Variants in SDK1 observed in about 807,000 individuals in gnomAD.
SDK1 encodes protein sidekick-1.
A neutral mutation model predicts 245.5 loss-of-function variants in SDK1; 157 were observed. The ratio of observed to expected loss-of-function variants is 0.64; its 90% CI spans 0.56 to 0.73. The LOEUF is 0.73. SDK1 is among the 30% of genes least tolerant of loss of function. The pLI, the probability that SDK1 is intolerant of heterozygous loss-of-function variation, is 0.00. For synonymous variants in SDK1, 1,647 were observed against 1,278.5 expected (o/e 1.29, Z -6.15); for missense variants, 3,583 against 3,002.3 (o/e 1.19, Z -4.52).
intron 1 of SDK1, among the ~76,000 whole-genome samples, chr7:3,310,875 C>T (rs1366328398): frequency 6.6e-6 from 1 of 152,168 alleles, no homozygotes; most frequent in Non-Finnish European, 1.5e-5. Context: ...TTTCTTATCC[C>T]TGAAGAATTG....
At chr7:3,386,825 C>A (rs1781621055) in intron 1 of SDK1, among the ~76,000 whole-genome samples, 2 of 152,126 alleles carry the variant, frequency 1.3e-5, no homozygotes, top group Non-Finnish European at 2.9e-5. Flanking sequence ...GATGCTGCTC[C>A]TTCTTCAACG....
chr7:3,619,082 G>A lies in SDK1; in HGVS notation c.301G>A (p.Asp101Asn). Residue 101 changes from aspartate (D) to asparagine (N), a missense_variant and splice_region_variant, in exon 2 of 45, where the codon GAT (aspartate) becomes AAT (asparagine). Physicochemically the swap from Asp to Asn is conservative, Grantham distance 23 (BLOSUM62 1). Coordinates refer to ENST00000404826, the MANE Select transcript of SDK1 (RefSeq NM_152744.4). ...TGTTTTGTTTTTTAATATTTCAGAT[G>A]ATGTTGCTCCATATTTTAAAACGGA... The part of the protein sequence containing the change: ...LHLLRALAQD[D>N]VAPYFKTEPG... The A allele has an allele frequency of 6.3e-7, 1 of 1,581,866 alleles. No individual in the cohort carries two copies. Among genetic ancestry groups the A allele is most frequent in the Non-Finnish European group, 8.6e-7 (1 of 1,158,518 alleles).
rs923376278 is a variant in SDK1, at chr7:3,800,370, CTTATTTAT to C, written c.714-21058_714-21051del. 5.2e-3 allele frequency among the ~76,000 whole-genome samples: 771 copies of C among 148,986 alleles called. 5 individuals carry two copies. The highest frequency in any genetic ancestry group is 8.0e-3 in the Non-Finnish European group (541 of 67,388). On this transcript the variant is annotated intron_variant, in intron 4 of 44. Coordinates refer to ENST00000404826, the MANE Select transcript of SDK1 (RefSeq NM_152744.4). ...CATCTTTTACTTACTTACTTACTTACTTATTTATTTATTTATTTATTTATTTATTGAGA... is the reference window on the plus strand; with the variant it reads ...CATCTTTTACTTACTTACTTACTTACTTATTTATTTATTTATTTATTGAGA...
rs73298373 is a variant in SDK1 at position 3,408,514 on chromosome 7, G to A, written c.298+106630G>A. 9.1e-3 allele frequency among the ~76,000 whole-genome samples: 1,387 copies of A among 152,254 alleles called. 27 individuals are homozygous for A. The highest frequency in any genetic ancestry group is 0.031 in the African/African-American group (1,308 of 41,536). ...GAAGTTATAAACAAAATTTCATACA[G>A]CATGCCATTTGACAAATTAATGAAG... On this transcript the variant is annotated intron_variant, in intron 1 of 44. Coordinates refer to ENST00000404826, the MANE Select transcript of SDK1 (RefSeq NM_152744.4).
intron 4 of SDK1, among the ~76,000 whole-genome samples, chr7:3,653,646 G>C (rs777031818): frequency 6.6e-6 from 1 of 152,168 alleles, no homozygotes; most frequent in African/African-American, 2.4e-5. Context: ...GAGAATAAAC[G>C]CATCCCAATC....
At chr7:3,320,550 T>G (rs1408058015) in intron 1 of SDK1, among the ~76,000 whole-genome samples, 1 of 152,194 alleles carries the variant, frequency 6.6e-6, no homozygotes, top group Non-Finnish European at 1.5e-5. Flanking sequence ...TAACTAATTT[T>G]TGTTCTTTAC....
At chr7:3,993,476 A>G (rs138083219) in intron 14 of SDK1, among the ~76,000 whole-genome samples, 3 of 152,350 alleles carry the variant, frequency 2.0e-5, no homozygotes, top group African/African-American at 7.2e-5. Flanking sequence ...GTTTTTTAAT[A>G]GGATGAGTGT....
intron 26 of SDK1, among the ~76,000 whole-genome samples, chr7:4,128,605 GT>G (rs527257438): frequency 1.7e-3 from 242 of 140,662 alleles, no homozygotes; most frequent in African/African-American, 6.2e-3. Context: ...TTGGGGTGGG[GT>G]CCCCTGGAGG....
intron 1 of SDK1, among the ~76,000 whole-genome samples, chr7:3,585,497 T>C (rs974530960): frequency 2.6e-5 from 4 of 152,172 alleles, no homozygotes; most frequent in African/African-American, 9.7e-5. Context: ...GGAGGCGCTC[T>C]TGATAAAGGA....
chr7:3,690,203 A>T (rs905500019), intron 4 of SDK1, among the ~76,000 whole-genome samples: 5 of 152,118 alleles, frequency 3.3e-5, no homozygotes, highest in African/African-American at 1.2e-4. Flanking sequence ...CCTCATCACG[A>T]CGCTAATGTT....
In SDK1 at chr7:3,681,020, T is replaced by G. The variant is rs537021949; in HGVS notation, c.713+38915T>G. ...ATCAGGTCCAGCTAATTTTGTGTAT[T>G]TTTTAGTAGAGATGGGGTTTCGCCA... is the stretch of plus-strand genomic sequence containing the variant. On this transcript the variant is annotated intron_variant, in intron 4 of 44. Coordinates refer to ENST00000404826, the MANE Select transcript of SDK1 (RefSeq NM_152744.4). Among the ~76,000 whole-genome samples the G allele has an allele frequency of 1.7e-3, 255 of 152,172 alleles. 1 individual carries two copies. The highest frequency in any genetic ancestry group is 0.016 in the South Asian group (79 of 4,820).
At position 3,313,926 on chromosome 7, in the gene SDK1, CAA is replaced by C. The variant is rs562416895; in HGVS notation, c.298+12045_298+12046del. Among the ~76,000 whole-genome samples, 9 of 152,184 alleles carry C rather than the reference CAA, an allele frequency of 5.9e-5. No individual in the cohort carries two copies. The South Asian group carries it at 1.9e-3, about 32-fold the overall frequency. Reference sequence around the variant, plus strand: ...ACAATAAATATATACAAATTTTTGTCAAAATTTTAAAAATGTATGTGAGCAGG... The same window carrying C: ...ACAATAAATATATACAAATTTTTGTCAATTTTAAAAATGTATGTGAGCAGG... On this transcript the variant is annotated intron_variant, in intron 1 of 44. Coordinates refer to ENST00000404826, the MANE Select transcript of SDK1 (RefSeq NM_152744.4).
intron 5 of SDK1, among the ~76,000 whole-genome samples, chr7:3,846,988 C>A (rs1049744497): frequency 1.1e-4 from 16 of 152,142 alleles, no homozygotes; most frequent in Non-Finnish European, 2.4e-4. Context: ...GGCTGGCTGT[C>A]CCCAGTGCCA....
At chr7:3,604,414 T>C (rs1781351734) in intron 1 of SDK1, among the ~76,000 whole-genome samples, 2 of 152,236 alleles carry the variant, frequency 1.3e-5, no homozygotes, top group African/African-American at 2.4e-5. Context: ...GGTAGGAAGG[T>C]GGGTTATTGA....
At chr7:3,922,852 C>T (rs1185114966) in intron 5 of SDK1, among the ~76,000 whole-genome samples, 2 of 152,192 alleles carry the variant, frequency 1.3e-5, no homozygotes, top group African/African-American at 4.8e-5. Flanking sequence ...GTTTCTTTCA[C>T]TTACAGTGTA....
intron 5 of SDK1, among the ~76,000 whole-genome samples, chr7:3,849,830 G>C (rs965999915): frequency 3.3e-5 from 5 of 152,210 alleles, no homozygotes; most frequent in Admixed American, 3.3e-4. Context: ...TAAAAAAGCT[G>C]TTCCAAAGCT....
intron 2 of SDK1, among the ~76,000 whole-genome samples, chr7:3,638,747 C>A (rs1413458684): frequency 4.0e-5 from 6 of 150,574 alleles, no homozygotes; most frequent in Non-Finnish European, 8.9e-5. Context: ...AACTAACCTG[C>A]ACGTTGTGCA....
intron 5 of SDK1, among the ~76,000 whole-genome samples, chr7:3,831,192 G>A (rs953475012): frequency 6.6e-6 from 1 of 152,178 alleles, no homozygotes; most frequent in Non-Finnish European, 1.5e-5. Context: ...GTTATTGGCC[G>A]AGATGAGACC....
intron 1 of SDK1, among the ~76,000 whole-genome samples, chr7:3,333,832 C>T (rs1395545672): frequency 6.6e-6 from 1 of 152,156 alleles, no homozygotes; most frequent in African/African-American, 2.4e-5. Context: ...TACTTAGAAA[C>T]GCTCCTAGCA....
Sources: allele counts gnomAD v4.1 joint callset (sites outside exome capture counted in the v4.1 genomes callset), GRCh38; gene constraint gnomAD v4.1.1; transcripts MANE v1.5; gene names NCBI Gene and HGNC (gene_info 2026-07-23, HGNC 2026-07-21).